Variants in CAMK2B observed in about 807,000 individuals in gnomAD.
The protein encoded by CAMK2B is calcium/calmodulin dependent protein kinase II beta, also known as calcium/calmodulin-dependent protein kinase type II subunit beta.
CAMK2B carries 27 observed loss-of-function variants against 93.7 expected under a neutral mutation model. That is an observed-to-expected ratio of 0.29 (90% CI 0.21 to 0.40). The LOEUF (loss-of-function observed/expected upper bound fraction) is 0.40. CAMK2B is among the 10% of genes least tolerant of loss of function. The probability of loss-of-function intolerance (pLI) is 1.00; values close to 1 mark genes in which losing one functional copy is unlikely to be tolerated. For synonymous variants in CAMK2B, 374 were observed against 358.8 expected (o/e 1.04, Z -0.48); for missense variants, 568 against 895.8 (o/e 0.63, Z 4.67).
At chr7:44,252,412 G>A (rs1054345870) in intron 5 of CAMK2B, among the ~76,000 whole-genome samples, 2 of 151,822 alleles carry the variant, frequency 1.3e-5, no homozygotes, top group African/African-American at 2.4e-5. Context: ...GGGGCTGCAG[G>A]ACATCAATAA....
rs6966275 is a variant in CAMK2B, at chr7:44,312,752, A to T, written c.65+12605T>A. Reference sequence around the variant, plus strand: ...TCCTGGGTTGGATGTCATGTGGACAATTGGTCAAGATAAGAATTTGTGAAT... The same window carrying T: ...TCCTGGGTTGGATGTCATGTGGACATTTGGTCAAGATAAGAATTTGTGAAT... On this transcript the variant is annotated intron_variant, in intron 1 of 23. Transcript: ENST00000395749. This position sits in a 1 kb window ranked among gnomAD's most constrained non-coding sequence, Gnocchi z 4.1. Among the ~76,000 whole-genome samples, 1 of 152,162 alleles carries T rather than the reference A, an allele frequency of 6.6e-6. No homozygotes were observed. Among genetic ancestry groups the T allele is most frequent in the Non-Finnish European group, 1.5e-5 (1 of 68,006 alleles).
rs146178818 is a variant in CAMK2B, at chr7:44,288,847, C to A, written c.66-4622G>T. 1.4e-4 allele frequency among the ~76,000 whole-genome samples: 22 copies of A among 152,198 alleles called. No homozygotes were observed. In the East Asian group the frequency reaches 4.3e-3, roughly 30 times the overall value. The stretch of plus-strand genomic sequence containing the variant: ...CTCCTTCATTGCAGGGGGGCTCAGG[C>A]TTCTCGCGCGATAATGGGGTGAAGG... On this transcript the variant is annotated intron_variant, in intron 1 of 23. Coordinates refer to ENST00000395749, the MANE Select transcript of CAMK2B (RefSeq NM_001220.5).
intron 2 of CAMK2B, among the ~76,000 whole-genome samples, chr7:44,281,566 C>T (rs1013105195): frequency 5.3e-5 from 8 of 152,174 alleles, no homozygotes; most frequent in African/African-American, 1.9e-4. Flanking sequence ...AGCAGACACC[C>T]CAGGACCCTG....
chr7:44,240,168 C>T (rs947418333), intron 12 of CAMK2B, among the ~76,000 whole-genome samples: 3 of 151,922 alleles, frequency 2.0e-5, no homozygotes, highest in African/African-American at 4.8e-5. Flanking sequence ...GATGGGTCTG[C>T]CAGCGCCCTG....
chr7:44,227,662 A>AGGGAACAGAGGGGGTGTG (rs1353572611), intron 19 of CAMK2B, among the ~76,000 whole-genome samples: 1 of 1,266 alleles, frequency 7.9e-4, no homozygotes, highest in Non-Finnish European at 1.2e-3. Flanking sequence ...GGGAGAGTGT[A>AGGGAACAGAGGGGGTGTG]GGGAACAGAG....
At chr7:44,291,184 C>T (rs1435318856) in intron 1 of CAMK2B, among the ~76,000 whole-genome samples, 1 of 152,176 alleles carries the variant, frequency 6.6e-6, no homozygotes, top group Non-Finnish European at 1.5e-5. Flanking sequence ...ATTTACTCCT[C>T]CCCAGCCTCT....
intron 2 of CAMK2B, among the ~76,000 whole-genome samples, chr7:44,266,547 T>C (rs573687862): frequency 7.9e-5 from 12 of 152,282 alleles, no homozygotes; most frequent in African/African-American, 2.6e-4. Context: ...TGCTCATCCC[T>C]CCCTGCCAGC....
chr7:44,230,433 G>A (rs546981467), intron 17 of CAMK2B: 121 of 153,332 alleles, frequency 7.9e-4, no homozygotes, highest in Middle Eastern at 3.4e-3. Flanking sequence ...GTCTGGAGGC[G>A]GCAGAATCCA....
intron 14 of CAMK2B, 59 bp downstream of exon 14, chr7:44,234,580 G>A (rs955094917): frequency 6.2e-7 from 1 of 1,603,532 alleles, no homozygotes; most frequent in Non-Finnish European, 8.5e-7. Flanking sequence ...CCCAGGGCGT[G>A]GGGGTGAAGC....
rs1584310653 is a variant in CAMK2B, at chr7:44,258,819, C to G, written c.275+53G>C. ...GGCTGGGGAGGCTGCAGATCCCACC[C>G]TGAGCCAAGGCTGGGAGTGAGTGCA... On this transcript the variant is annotated intron_variant, in intron 4 of 23. Transcript: ENST00000395749. The G allele has an allele frequency of 6.3e-5, 99 of 1,567,446 alleles. No individual in the cohort carries two copies. In the East Asian group the frequency reaches 2.0e-3, roughly 32 times the overall value.
chr7:44,276,848 G>T (rs1244776818), intron 2 of CAMK2B, among the ~76,000 whole-genome samples: 2 of 152,194 alleles, frequency 1.3e-5, no homozygotes, highest in African/African-American at 4.8e-5. Context: ...CACCAGCTAG[G>T]GGACCCCGTC....
intron 5 of CAMK2B, among the ~76,000 whole-genome samples, chr7:44,253,231 CAG>C (rs1185324339): frequency 7.0e-6 from 1 of 143,706 alleles, no homozygotes; most frequent in African/African-American, 2.6e-5. Flanking sequence ...TTTTTTGAGA[CAG>C]AGTTTTGCTC....
intron 3 of CAMK2B, among the ~76,000 whole-genome samples, chr7:44,261,919 G>A (rs930470812): frequency 7.2e-5 from 11 of 152,310 alleles, no homozygotes; most frequent in African/African-American, 1.2e-4. Context: ...GGCAAATCTC[G>A]TCAGGGGCTA....
intron 6 of CAMK2B, among the ~76,000 whole-genome samples, chr7:44,244,267 G>A (rs927861760): frequency 2.0e-5 from 3 of 152,210 alleles, no homozygotes; most frequent in Non-Finnish European, 2.9e-5. Context: ...GCTCAAGCCA[G>A]AAGGACATCT....
intron 6 of CAMK2B, among the ~76,000 whole-genome samples, chr7:44,246,359 C>T (rs556533142): frequency 3.3e-5 from 5 of 152,068 alleles, no homozygotes; most frequent in African/African-American, 1.2e-4. Flanking sequence ...CCTGGAGGTC[C>T]GGAGGGGTAG....
chr7:44,230,218 C>G (rs1404310695), intron 17 of CAMK2B: 2 of 152,422 alleles, frequency 1.3e-5, no homozygotes, highest in African/African-American at 4.8e-5. Flanking sequence ...GGCCCAAAGT[C>G]CTGTGCTCAT....
chr7:44,288,873 C>T (rs1472667069), intron 1 of CAMK2B, among the ~76,000 whole-genome samples: 1 of 152,090 alleles, frequency 6.6e-6, no homozygotes, highest in Non-Finnish European at 1.5e-5. Flanking sequence ...GGGGTGAAGG[C>T]CACCTGCGAG....
At chr7:44,243,684 G>C (rs1008193954) in intron 6 of CAMK2B, among the ~76,000 whole-genome samples, 157 bp from the exon 7 acceptor site, 1 of 152,086 alleles carries the variant, frequency 6.6e-6, no homozygotes, top group Admixed American at 6.5e-5. Flanking sequence ...GGGCATGGCT[G>C]AGCCTTCACC....
In CAMK2B at chr7:44,234,686, G is replaced by A. The variant is rs1562841506; in HGVS notation, c.1022-10C>T. ...TTGAGTAAACTCTTGGCTGCTGCAT[G>A]GGGAGGAAGAAGGTATGGTGAGTGA... On this transcript the variant is annotated splice_polypyrimidine_tract_variant and intron_variant, in intron 13 of 23. Coordinates refer to ENST00000395749, the MANE Select transcript of CAMK2B (RefSeq NM_001220.5). The A allele has an allele frequency of 4.3e-6, 7 of 1,613,828 alleles. No individual in the cohort carries two copies. Among genetic ancestry groups the A allele is most frequent in the South Asian group, 1.1e-5 (1 of 91,080 alleles).
Sources: allele counts gnomAD v4.1 joint callset (sites outside exome capture counted in the v4.1 genomes callset), GRCh38; gene constraint gnomAD v4.1.1; non-coding constraint Gnocchi (gnomAD v3.1); transcripts MANE v1.5; gene names NCBI Gene and HGNC (gene_info 2026-07-23, HGNC 2026-07-21).